The following KSR1 variants were observed in gnomAD, a reference collection of about 807,000 sequenced individuals.
KSR1 encodes the protein kinase suppressor of ras 1, also known as kinase suppressor of ras.
Under a neutral mutation model 92.9 loss-of-function variants are expected in KSR1, and 35 were observed. That is an observed-to-expected ratio of 0.38 (90% confidence interval 0.29 to 0.50). KSR1 has a LOEUF of 0.50. Ranked by LOEUF, KSR1 falls within the 20% of genes least tolerant of loss-of-function variation. The probability of loss-of-function intolerance (pLI) is 0.94; values close to 1 mark genes in which losing one functional copy is unlikely to be tolerated. For synonymous variants in KSR1, 467 were observed against 472.6 expected (o/e 0.99, Z 0.15); for missense variants, 972 against 1,158.5 (o/e 0.84, Z 2.34).
At chr17:27,530,312 G>T (rs1288048710) in intron 1 of KSR1, among the ~76,000 whole-genome samples, 1 of 152,076 alleles carries the variant, frequency 6.6e-6, no homozygotes, top group Non-Finnish European at 1.5e-5. Context: ...GGGTGTAGTT[G>T]TGTGTGGCAG....
At chr17:27,580,523 T>G (rs781305599) in intron 3 of KSR1, among the ~76,000 whole-genome samples, 1 of 152,138 alleles carries the variant, frequency 6.6e-6, no homozygotes, top group South Asian at 2.1e-4. Flanking sequence ...GCTGTTCCGC[T>G]CTAGGTTATT....
intron 4 of KSR1, among the ~76,000 whole-genome samples, chr17:27,585,184 T>C (rs1271867941): frequency 1.3e-5 from 2 of 152,136 alleles, no homozygotes; most frequent in African/African-American, 4.8e-5. Flanking sequence ...GATCCACTCG[T>C]GTCAGCCTCT....
chr17:27,607,528 C>G (rs944994187), intron 14 of KSR1, among the ~76,000 whole-genome samples: 6 of 152,108 alleles, frequency 3.9e-5, no homozygotes, highest in African/African-American at 9.7e-5. Flanking sequence ...ACAGTGAGCC[C>G]CAGAGCCTTG....
intron 4 of KSR1, among the ~76,000 whole-genome samples, chr17:27,583,420 C>T (rs1052302098): frequency 6.6e-6 from 1 of 152,274 alleles, no homozygotes; most frequent in Non-Finnish European, 1.5e-5. Context: ...GTTTCTTGCT[C>T]ATGCCGCCTT....
chr17:27,600,753 C>T (rs1477671427), intron 10 of KSR1, among the ~76,000 whole-genome samples: 1 of 152,192 alleles, frequency 6.6e-6, no homozygotes, highest in Non-Finnish European at 1.5e-5. Context: ...ACCAAAACAA[C>T]ATTCTGTGGC....
intron 1 of KSR1, among the ~76,000 whole-genome samples, chr17:27,496,076 A>G (rs2068976722): frequency 6.6e-6 from 1 of 152,190 alleles, no homozygotes; most frequent in South Asian, 2.1e-4. Context: ...TTGGGACCTC[A>G]TGGGCCAGTG....
intron 1 of KSR1, among the ~76,000 whole-genome samples, chr17:27,467,816 T>G (rs1251054305): frequency 3.3e-5 from 5 of 151,254 alleles, no homozygotes; most frequent in African/African-American, 9.7e-5. Context: ...ATGTTTTGTT[T>G]TTTTTTTTTT....
intron 1 of KSR1, among the ~76,000 whole-genome samples, chr17:27,484,945 T>C (rs2068620977): frequency 6.6e-6 from 1 of 152,218 alleles, no homozygotes. Flanking sequence ...TTACCAACAC[T>C]GTCCTCCCCA....
rs1049919308 is a variant in KSR1 at position 27,559,844 on chromosome 17, G to T, written c.372+9136G>T. 6.6e-6 allele frequency among the ~76,000 whole-genome samples: 1 copy of T among 152,278 alleles called. No homozygotes were observed. Among genetic ancestry groups the T allele is most frequent in the Non-Finnish European group, 1.5e-5 (1 of 68,052 alleles). On this transcript the variant is annotated intron_variant, in intron 2 of 20. Transcript: ENST00000644974. The surrounding 1 kb of genome is among the most constrained non-coding windows in gnomAD (Gnocchi z 4.2). ...GTGAAGCGCGTGAGGAGGAGTCTGT[G>T]AGGAGGCTGGCGGGGAGCCGGGGTG...
intron 20 of KSR1, chr17:27,621,941 G>T (rs1191861662): frequency 6.2e-7 from 1 of 1,613,562 alleles, no homozygotes; most frequent in African/African-American, 1.3e-5. Context: ...TGTAGGCCTG[G>T]CTGCCTTGCA....
chr17:27,528,728 G>A (rs117709345), intron 1 of KSR1, among the ~76,000 whole-genome samples: 1,761 of 152,158 alleles, frequency 0.012, 16 homozygotes, highest in Non-Finnish European at 0.021. Flanking sequence ...GTGAGACTCT[G>A]CCTCTACAAA....
At chr17:27,486,208 C>T (rs564537956) in intron 1 of KSR1, among the ~76,000 whole-genome samples, 53 of 152,212 alleles carry the variant, frequency 3.5e-4, no homozygotes, top group Non-Finnish European at 5.9e-4. Flanking sequence ...GATTCTTCTG[C>T]ACAGCCCTTC....
At chr17:27,571,611 C>A (rs1209966030) in intron 2 of KSR1, among the ~76,000 whole-genome samples, 1 of 152,242 alleles carries the variant, frequency 6.6e-6, no homozygotes, top group African/African-American at 2.4e-5. Context: ...GGTTAAGGAT[C>A]CCTTTCATCA....
chr17:27,552,597 C>T (rs1201349228), intron 2 of KSR1, among the ~76,000 whole-genome samples: 1 of 152,168 alleles, frequency 6.6e-6, no homozygotes, highest in South Asian at 2.1e-4. Flanking sequence ...GCCATGAGCC[C>T]TGGGAGAGTT....
At chr17:27,522,267 G>T (rs1338737297) in intron 1 of KSR1, among the ~76,000 whole-genome samples, 2 of 152,176 alleles carry the variant, frequency 1.3e-5, no homozygotes, top group Admixed American at 6.5e-5. Flanking sequence ...GGAAAAACAG[G>T]ACTGAGAAGG....
At chr17:27,456,972 G>T in intron 1 of KSR1, 98 bp downstream of exon 1, 1 of 696,568 alleles carries the variant, frequency 1.4e-6, no homozygotes, top group Non-Finnish European at 2.6e-6. Flanking sequence ...TTGAGCCCGC[G>T]TCGCCCCCCT....
chr17:27,581,106 G>A (rs928755181), intron 3 of KSR1, among the ~76,000 whole-genome samples: 10 of 152,114 alleles, frequency 6.6e-5, no homozygotes, highest in Admixed American at 2.0e-4. Flanking sequence ...GAGAGGCATC[G>A]GGAAGGCTCC....
At chr17:27,571,360 A>T (rs2072298165) in intron 2 of KSR1, among the ~76,000 whole-genome samples, 1 of 152,176 alleles carries the variant, frequency 6.6e-6, no homozygotes, top group African/African-American at 2.4e-5. Flanking sequence ...CATGAGCCCC[A>T]ATGGTGGGTG....
chr17:27,488,971 T>A (rs12103441), intron 1 of KSR1, among the ~76,000 whole-genome samples: 1,932 of 152,106 alleles, frequency 0.013, 33 homozygotes, highest in African/African-American at 0.044. Context: ...TCAAAAAAAA[T>A]TTTTTTTTAA....
Sources: allele counts gnomAD v4.1 joint callset (sites outside exome capture counted in the v4.1 genomes callset), GRCh38; gene constraint gnomAD v4.1.1; non-coding constraint Gnocchi (gnomAD v3.1); transcripts MANE v1.5; gene names NCBI Gene and HGNC (gene_info 2026-07-23, HGNC 2026-07-21).